Variants in INSR observed in about 807,000 individuals in gnomAD.
The protein encoded by INSR is IR.
INSR carries 67 observed loss-of-function variants against 142.6 expected under a neutral mutation model. The observed-to-expected ratio is 0.47, with a 90% CI of 0.39 to 0.58. The LOEUF is 0.58. INSR is among the 20% of genes least tolerant of loss of function. INSR has a pLI of 0.00. For synonymous variants in INSR, 756 were observed against 743.1 expected (o/e 1.02, Z -0.28); for missense variants, 1,248 against 1,833.2 (o/e 0.68, Z 5.83).
At chr19:7,149,989 A>AAGGAAGGAAGGAAGGAAGG in intron 11 of INSR, among the ~76,000 whole-genome samples, 2 of 142,232 alleles carry the variant, frequency 1.4e-5, no homozygotes, top group South Asian at 4.4e-4. Flanking sequence ...AGGAAGGAAG[A>AAGGAAGGAAGGAAGGAAGG]GATCCCTGAC....
At chr19:7,230,228 G>A (rs548468185) in intron 2 of INSR, among the ~76,000 whole-genome samples, 1 of 152,296 alleles carries the variant, frequency 6.6e-6, no homozygotes, top group South Asian at 2.1e-4. Flanking sequence ...GGCCATGTAA[G>A]CAGTTAAAGG....
chr19:7,199,836 A>G (rs1974903878), intron 2 of INSR, among the ~76,000 whole-genome samples: 1 of 87,510 alleles, frequency 1.1e-5, no homozygotes, highest in Non-Finnish European at 2.3e-5. Context: ...CGAGACACAT[A>G]CGCCCCGTGA....
intron 9 of INSR, among the ~76,000 whole-genome samples, chr19:7,158,045 GTATTATTATTATTAT>G (rs72379188): frequency 0.014 from 1,980 of 141,266 alleles, 59 homozygotes; most frequent in African/African-American, 0.05. Flanking sequence ...GAAGCTCCTG[GTATTATTATTATTAT>G]TATTATTATT....
At chr19:7,232,077 G>A (rs895932166) in intron 2 of INSR, among the ~76,000 whole-genome samples, 5 of 152,064 alleles carry the variant, frequency 3.3e-5, no homozygotes, top group South Asian at 2.1e-4. Flanking sequence ...CCTCATTCCC[G>A]GGGGTACTGG....
intron 20 of INSR, among the ~76,000 whole-genome samples, chr19:7,120,263 A>G (rs1972459018): frequency 6.6e-6 from 1 of 152,186 alleles, no homozygotes; most frequent in Non-Finnish European, 1.5e-5. Context: ...CATCTTATAT[A>G]TGTTGACTGA....
chr19:7,122,311 C>T lies in INSR; in HGVS notation c.3529+303G>A, dbSNP rs11085212. 0.47 allele frequency among the ~76,000 whole-genome samples: 71,267 copies of T among 151,562 alleles called. 17,090 individuals carry two copies. Among genetic ancestry groups the T allele is most frequent in the Admixed American group, 0.56 (8,517 of 15,244 alleles). ...TACAAAAATTAGCCAGGCATGGTGG[C>T]GCACACCTGTAGTCCCAGCTACTTG... On this transcript the variant is annotated intron_variant, in intron 19 of 21. Coordinates refer to ENST00000302850, the MANE Select transcript of INSR (RefSeq NM_000208.4).
intron 13 of INSR, among the ~76,000 whole-genome samples, chr19:7,135,737 G>A (rs1009803107): frequency 6.6e-6 from 1 of 151,860 alleles, no homozygotes; most frequent in African/African-American, 2.4e-5. Context: ...TTGGAAGGCC[G>A]AGGCGGGCAG....
chr19:7,211,283 T>C (rs1202070060), intron 2 of INSR, among the ~76,000 whole-genome samples: 2 of 152,162 alleles, frequency 1.3e-5, no homozygotes, highest in Admixed American at 6.6e-5. Flanking sequence ...CCCAGGCTGG[T>C]TTTGAACTCC....
chr19:7,284,502 C>T (rs528862203), intron 1 of INSR, among the ~76,000 whole-genome samples: 3 of 152,026 alleles, frequency 2.0e-5, no homozygotes, highest in East Asian at 1.9e-4. Context: ...AAATGTGGCA[C>T]CAAATAACCA....
intron 1 of INSR, among the ~76,000 whole-genome samples, chr19:7,274,324 C>A (rs1334951211): frequency 1.3e-5 from 2 of 151,856 alleles, no homozygotes; most frequent in Non-Finnish European, 2.9e-5. Context: ...TGCTCACCTG[C>A]CCTCTGCTCA....
At chr19:7,240,529 A>AAGG (rs1976307890) in intron 2 of INSR, among the ~76,000 whole-genome samples, 1 of 152,222 alleles carries the variant, frequency 6.6e-6, no homozygotes, top group Middle Eastern at 3.2e-3. Context: ...AGATTGCGCC[A>AAGG]TTGCACTCCA....
rs114643786 is a variant in INSR at position 7,280,766 on chromosome 19, A to T, written c.101-12870T>A. On this transcript the variant is annotated intron_variant, in intron 1 of 21. Transcript: ENST00000302850. ...AAATTAGTCAGGTATTGTGGTGCAC[A>T]CTTATAATCCCAGCTACTCAGGAGG... Among the ~76,000 whole-genome samples, 1,348 of 150,522 alleles carry T rather than the reference A, an allele frequency of 9.0e-3. 20 individuals are homozygous for T. The highest frequency in any genetic ancestry group is 0.03 in the African/African-American group (1,207 of 40,896).
intron 9 of INSR, among the ~76,000 whole-genome samples, chr19:7,155,201 C>A (rs945246642): frequency 3.3e-5 from 5 of 151,818 alleles, no homozygotes; most frequent in Non-Finnish European, 7.4e-5. Flanking sequence ...TAGCAGAAAC[C>A]CAGCAGAAAG....
At chr19:7,207,331 C>A (rs543653847) in intron 2 of INSR, among the ~76,000 whole-genome samples, 10 of 152,164 alleles carry the variant, frequency 6.6e-5, no homozygotes, top group African/African-American at 2.4e-4. Flanking sequence ...GCAGGAGAAT[C>A]GCTTGAACCC....
intron 19 of INSR, 152 bp from the exon 20 acceptor site, chr19:7,120,901 G>A: frequency 3.4e-6 from 3 of 876,746 alleles, no homozygotes; most frequent in Non-Finnish European, 5.6e-6. Flanking sequence ...CAGTAAGAAT[G>A]GATTCTGAGG....
In INSR at chr19:7,224,013, T is replaced by G. The variant is rs549858863; in HGVS notation, c.653-39376A>C. Among the ~76,000 whole-genome samples the G allele has an allele frequency of 6.6e-5, 10 of 152,022 alleles. No individual in the cohort carries two copies. The South Asian group carries it at 1.9e-3, about 28-fold the overall frequency. ...CAGGCTGGAGTGCAGTGGCATGATC[T>G]CGGCTCACTGCAACCTCTCCCTCTT... On this transcript the variant is annotated intron_variant, in intron 2 of 21. Transcript: ENST00000302850.
At chr19:7,203,003 T>TGTTG (rs58887346) in intron 2 of INSR, among the ~76,000 whole-genome samples, 63 of 148,792 alleles carry the variant, frequency 4.2e-4, no homozygotes, top group African/African-American at 1.5e-3. Flanking sequence ...GTTGTTTTTT[T>TGTTG]TTTTTTTTTT....
intron 6 of INSR, among the ~76,000 whole-genome samples, chr19:7,169,576 C>CAAAAAAAAAAAAAAAAAAAAAAAAAAAA (rs74174872): frequency 1.1e-5 from 1 of 94,806 alleles, no homozygotes; most frequent in Non-Finnish European, 2.1e-5. Context: ...GACTCTGTCC[C>CAAAAAAAAAAAAAAAAAAAAAAAAAAAA]AAAAAAAAAA....
intron 2 of INSR, among the ~76,000 whole-genome samples, chr19:7,261,302 G>A (rs567113874): frequency 1.3e-5 from 2 of 152,208 alleles, no homozygotes; most frequent in South Asian, 4.1e-4. Flanking sequence ...GCAAAGGCTG[G>A]CTCCCTTCCT....
Sources: gnomAD v4.1 joint callset for allele counts (sites outside exome capture counted in the v4.1 genomes callset) on GRCh38, gnomAD v4.1.1 for gene constraint, MANE v1.5 for transcripts, NCBI Gene and HGNC (gene_info 2026-07-23, HGNC 2026-07-21) for gene names.